The following KIAA1549 variants were observed in gnomAD, a reference collection of about 807,000 sequenced individuals.
KIAA1549 encodes KIAA1549, also known as UPF0606 protein KIAA1549.
Under a neutral mutation model 156.4 loss-of-function variants are expected in KIAA1549, and 70 were observed. The ratio of observed to expected loss-of-function variants is 0.45; its 90% CI spans 0.37 to 0.55. The LOEUF (loss-of-function observed/expected upper bound fraction) is 0.55. KIAA1549 is among the 20% of genes least tolerant of loss of function. The pLI, the probability that KIAA1549 is intolerant of heterozygous loss-of-function variation, is 0.00. For synonymous variants in KIAA1549, 1,103 were observed against 1,066.4 expected, an observed-to-expected ratio of 1.03 and a Z score of -0.67; for missense variants, 2,428 against 2,540.9, an observed-to-expected ratio of 0.96 and a Z score of 0.96.
intron 1 of KIAA1549, among the ~76,000 whole-genome samples, chr7:138,942,612 C>T (rs563992844): frequency 2.6e-5 from 4 of 151,946 alleles, no homozygotes; most frequent in Non-Finnish European, 4.4e-5. Context: ...CTCCCTTACC[C>T]GCAAAAGTAA....
chr7:138,925,605 G>A (rs996198475), intron 1 of KIAA1549, among the ~76,000 whole-genome samples: 44 of 151,948 alleles, frequency 2.9e-4, no homozygotes, highest in African/African-American at 9.2e-4. Flanking sequence ...GGTGGGAGGC[G>A]AGCGAATGGC....
intron 1 of KIAA1549, among the ~76,000 whole-genome samples, chr7:138,962,311 C>T (rs898933793): frequency 6.6e-6 from 1 of 152,204 alleles, no homozygotes; most frequent in Non-Finnish European, 1.5e-5. Flanking sequence ...TTACCTTCAA[C>T]CATTTTGTGC....
intron 17 of KIAA1549, among the ~76,000 whole-genome samples, chr7:138,845,368 G>A (rs1026828983): frequency 6.6e-6 from 1 of 152,134 alleles, no homozygotes; most frequent in Non-Finnish European, 1.5e-5. Flanking sequence ...TGGCTTCAGA[G>A]AATACATAGT....
chr7:138,919,139 C>G lies in KIAA1549; in HGVS notation c.487G>C (p.Asp163His). The G allele has an allele frequency of 6.2e-7, 1 of 1,614,018 alleles. No homozygotes were observed. The highest frequency in any genetic ancestry group is 8.5e-7 in the Non-Finnish European group (1 of 1,179,898). The part of the protein sequence containing the change: ...NDDEMDNFLP[D>H]THWTTPRMVS... ...ATCCGTGGAGTGGTCCAGTGAGTAT[C>G]TGGCAGAAAGTTATCCATCTCATCG... The change falls in exon 2 of 20, where the codon GAT (aspartate) becomes CAT (histidine). Residue 163 changes from aspartate to histidine, a missense_variant. Coordinates refer to ENST00000422774, the MANE Select transcript of KIAA1549 (RefSeq NM_001164665.2).
intron 12 of KIAA1549, among the ~76,000 whole-genome samples, chr7:138,873,898 A>G (rs181343101): frequency 8.8e-4 from 133 of 151,212 alleles, no homozygotes; most frequent in Non-Finnish European, 1.4e-3. Context: ...ACATGGCTGA[A>G]AAGAGGGGCT....
intron 1 of KIAA1549, among the ~76,000 whole-genome samples, chr7:138,977,333 A>T (rs1167477742): frequency 6.6e-6 from 1 of 152,212 alleles, no homozygotes; most frequent in African/African-American, 2.4e-5. Flanking sequence ...AATACAAAAT[A>T]AAAAATATTC....
At position 138,962,286 on chromosome 7, in the gene KIAA1549, T is replaced by C. The variant is rs149911712; in HGVS notation, c.187+18797A>G. On this transcript the variant is annotated intron_variant, in intron 1 of 19. Transcript: ENST00000422774. Reference sequence around the variant, plus strand: ...CTCTGAGAGCTTTCTCAAGTAATTGTATCTTTTCTCTCCATTACCTTCAAC... The same window carrying C: ...CTCTGAGAGCTTTCTCAAGTAATTGCATCTTTTCTCTCCATTACCTTCAAC... 2.8e-3 allele frequency among the ~76,000 whole-genome samples: 432 copies of C among 152,364 alleles called. 4 individuals carry two copies. Among genetic ancestry groups the C allele is most frequent in the African/African-American group, 9.7e-3 (402 of 41,582 alleles).
Position 138,837,630 on chromosome 7 carries a change from T to C in KIAA1549, c.*276A>G, listed in dbSNP as rs188187990. The C allele has an allele frequency of 1.5e-5, 8 of 550,362 alleles. No individual in the cohort carries two copies. The East Asian group carries it at 2.0e-4, about 14-fold the overall frequency. 34.1% of individuals were successfully genotyped at this position (550,362 alleles called of 1,614,324 possible). A position where few individuals can be genotyped will look rare whatever the true frequency, so the allele number is the denominator to read the frequency against. On this transcript the variant is annotated 3_prime_UTR_variant, in exon 20 of 20. Coordinates refer to ENST00000422774, the MANE Select transcript of KIAA1549 (RefSeq NM_001164665.2). ...GACGAATGCAGTCATTTTGTTAGCT[T>C]AGGTTTGTGTTTTGTTTTTGTGAAG...
At chr7:138,953,757 C>G (rs1454479290) in intron 1 of KIAA1549, among the ~76,000 whole-genome samples, 1 of 152,188 alleles carries the variant, frequency 6.6e-6, no homozygotes, top group Non-Finnish European at 1.5e-5. Flanking sequence ...ATTTTCTCAT[C>G]TATCTTCCAT....
intron 2 of KIAA1549, among the ~76,000 whole-genome samples, chr7:138,913,260 T>A (rs1249304738): frequency 6.6e-6 from 1 of 152,192 alleles, no homozygotes; most frequent in Non-Finnish European, 1.5e-5. Flanking sequence ...CCTACCCCAA[T>A]GTTTCAAGGC....
In KIAA1549 at chr7:138,953,878, C is replaced by T. The variant is rs111257822; in HGVS notation, c.187+27205G>A. Among the ~76,000 whole-genome samples the T allele has an allele frequency of 4.2e-3, 636 of 152,264 alleles. 2 individuals are homozygous for T. The highest frequency in any genetic ancestry group is 6.6e-3 in the Non-Finnish European group (449 of 68,008). On this transcript the variant is annotated intron_variant, in intron 1 of 19. Transcript: ENST00000422774. The stretch of plus-strand genomic sequence containing the variant: ...TTTCACATTTTAAGATATCTGAAAT[C>T]GGGGTGAATCTAGTTATTGGTACGT...
chr7:138,876,554 G>GT (rs1448890886), intron 12 of KIAA1549: 2 of 152,226 alleles, frequency 1.3e-5, no homozygotes, highest in Non-Finnish European at 2.9e-5. Context: ...TTCAAATGAA[G>GT]TTTTAACTAC....
At chr7:138,878,346 G>C (rs1811145832) in intron 12 of KIAA1549, among the ~76,000 whole-genome samples, 1 of 152,260 alleles carries the variant, frequency 6.6e-6, no homozygotes, top group African/African-American at 2.4e-5. Flanking sequence ...GTGTCAGTGA[G>C]AGGAGAGGCC....
At chr7:138,928,776 A>G (rs1245228115) in intron 1 of KIAA1549, among the ~76,000 whole-genome samples, 4 of 152,370 alleles carry the variant, frequency 2.6e-5, no homozygotes, top group Non-Finnish European at 5.9e-5. Flanking sequence ...AAAACAATGT[A>G]CATCTCCTAA....
intron 12 of KIAA1549, among the ~76,000 whole-genome samples, chr7:138,878,989 A>C (rs962189549): frequency 2.0e-5 from 3 of 147,432 alleles, no homozygotes; most frequent in Admixed American, 6.6e-5. Context: ...CATCAGCCTT[A>C]ACAGTCATAC....
chr7:138,975,489 G>A (rs1814348017), intron 1 of KIAA1549, among the ~76,000 whole-genome samples: 1 of 152,162 alleles, frequency 6.6e-6, no homozygotes, highest in East Asian at 1.9e-4. Context: ...ATATGTAGGA[G>A]CTACAGGGAG....
intron 1 of KIAA1549, among the ~76,000 whole-genome samples, chr7:138,951,755 T>C (rs977520825): frequency 6.6e-6 from 1 of 152,160 alleles, no homozygotes; most frequent in Admixed American, 6.6e-5. Context: ...CCAACAGAAA[T>C]TCTATACATC....
At position 138,938,729 on chromosome 7, in the gene KIAA1549, A is replaced by C. The variant is rs184351455; in HGVS notation, c.188-19291T>G. 9.1e-4 allele frequency among the ~76,000 whole-genome samples: 139 copies of C among 152,350 alleles called. 1 individual carries two copies. The highest frequency in any genetic ancestry group is 3.3e-3 in the African/African-American group (138 of 41,582). ...ACAATAAATTGTTTAAATGCTGCCA[A>C]ACAACCCAATTTTGGCATTTTAAAC... On this transcript the variant is annotated intron_variant, in intron 1 of 19. Transcript: ENST00000422774.
At chr7:138,946,591 G>A (rs1470525749) in intron 1 of KIAA1549, among the ~76,000 whole-genome samples, 1 of 152,166 alleles carries the variant, frequency 6.6e-6, no homozygotes, top group Non-Finnish European at 1.5e-5. Flanking sequence ...ACCAGCCTGA[G>A]CAACATGAAG....
Sources: allele counts gnomAD v4.1 joint callset (sites outside exome capture counted in the v4.1 genomes callset), GRCh38; gene constraint gnomAD v4.1.1; transcripts MANE v1.5; gene names NCBI Gene and HGNC (gene_info 2026-07-23, HGNC 2026-07-21).